UBE3C: variants seen among roughly 807,000 people sequenced by gnomAD.
UBE3C encodes the protein ubiquitin-protein ligase E3C.
UBE3C carries 42 observed loss-of-function variants against 129.4 expected under a neutral mutation model. That is an observed-to-expected ratio of 0.32 (90% CI 0.25 to 0.42). The LOEUF (loss-of-function observed/expected upper bound fraction) is 0.42. Among genes scored for constraint, UBE3C ranks in the 10% least tolerant of loss-of-function variants. The pLI is 1.00. For synonymous variants in UBE3C, 510 were observed against 492.4 expected, an observed-to-expected ratio of 1.04 and a Z score of -0.47; for missense variants, 1,049 against 1,319.1, an observed-to-expected ratio of 0.80 and a Z score of 3.17.
chr7:157,232,202 T>C (rs1383732649), intron 18 of UBE3C, among the ~76,000 whole-genome samples: 1 of 152,238 alleles, frequency 6.6e-6, no homozygotes, highest in African/African-American at 2.4e-5. Context: ...TGATCCAGTG[T>C]AACTTCATCT....
rs1233099528 is a variant in UBE3C at position 157,163,806 on chromosome 7, G to A, written c.67-4G>A. On this transcript the variant is annotated splice_region_variant and splice_polypyrimidine_tract_variant and intron_variant, in intron 1 of 22. Transcript: ENST00000348165. ...TACCTCCTTTTTTCTCTGTTTGGGT[G>A]TAGGAGGAAAAGGCTTCTCTTTTAC... 5 of 1,613,012 alleles carry A rather than the reference G, an allele frequency of 3.1e-6. No homozygotes were observed. The highest frequency in any genetic ancestry group is 4.2e-6 in the Non-Finnish European group (5 of 1,179,598).
At chr7:157,220,072 G>T (rs1392356453) in intron 14 of UBE3C, among the ~76,000 whole-genome samples, 2 of 152,110 alleles carry the variant, frequency 1.3e-5, no homozygotes, top group Non-Finnish European at 2.9e-5. Context: ...TTAACCAGGC[G>T]TGATGGTATA....
At chr7:157,220,945 A>C in intron 15 of UBE3C, 169 bp downstream of exon 15, 1 of 686,616 alleles carries the variant, frequency 1.5e-6, no homozygotes, top group Non-Finnish European at 2.3e-6. Context: ...CTCTAGCTCC[A>C]TTGCGGCCAC....
At chr7:157,192,688 A>G in intron 10 of UBE3C, 1 of 778,170 alleles carries the variant, frequency 1.3e-6, no homozygotes, top group Non-Finnish European at 2.3e-6. Context: ...TAGAAGGTGG[A>G]TGAGAATGAC....
rs769602794 is a variant in UBE3C, at chr7:157,164,382, A to G, written c.120+519A>G. 1.1e-4 allele frequency: 50 copies of G among 456,456 alleles called. 1 individual carries two copies. Among genetic ancestry groups the G allele is most frequent in the Non-Finnish European group, 4.4e-6 (1 of 226,952 alleles). The allele number at this position is 456,456 out of a possible 1,614,324, so 28.3% of individuals were successfully genotyped here. A position where few individuals can be genotyped will look rare whatever the true frequency, so the allele number is the denominator to read the frequency against. The stretch of plus-strand genomic sequence containing the variant: ...TTGCTGCCGAGGCTGATTTCAAACT[A>G]TGGCCTCATGCAATCGCCTCCCTCA... On this transcript the variant is annotated intron_variant, in intron 2 of 22. Transcript: ENST00000348165.
At chr7:157,208,951 C>G (rs2117012172) in intron 13 of UBE3C, among the ~76,000 whole-genome samples, 1 of 152,360 alleles carries the variant, frequency 6.6e-6, no homozygotes, top group Non-Finnish European at 1.5e-5. Context: ...CCAGCGACCT[C>G]TCGCACACTA....
At chr7:157,187,086 A>G (rs1274368282) in intron 10 of UBE3C, 65 bp downstream of exon 10, 2 of 1,495,652 alleles carry the variant, frequency 1.3e-6, no homozygotes, top group African/African-American at 2.8e-5. Context: ...CTCCCTGGGA[A>G]TTGCTCTCCT....
chr7:157,139,357 G>T lies in UBE3C; in HGVS notation c.66+19G>T, dbSNP rs1340070920. 5 of 1,560,262 alleles carry T rather than the reference G, an allele frequency of 3.2e-6. No individual in the cohort carries two copies. The highest frequency in any genetic ancestry group is 4.3e-6 in the Non-Finnish European group (5 of 1,161,924). ...CAGGAAGGTGAGGGCCGGGCTGGCGGGGCGCCCTCGGCTCGGGGCCTGCGC... is the reference window on the plus strand; with the variant it reads ...CAGGAAGGTGAGGGCCGGGCTGGCGTGGCGCCCTCGGCTCGGGGCCTGCGC... On this transcript the variant is annotated intron_variant, in intron 1 of 22. Coordinates refer to ENST00000348165, the MANE Select transcript of UBE3C (RefSeq NM_014671.3).
chr7:157,211,608 A>G (rs1354833093), intron 13 of UBE3C, among the ~76,000 whole-genome samples: 1 of 152,132 alleles, frequency 6.6e-6, no homozygotes, highest in East Asian at 1.9e-4. Context: ...TTAGCGTTCC[A>G]GTAATGGAAC....
chr7:157,256,123 C>G (rs1191192730), intron 21 of UBE3C, among the ~76,000 whole-genome samples: 1 of 152,008 alleles, frequency 6.6e-6, no homozygotes, highest in Non-Finnish European at 1.5e-5. Context: ...ACAGGGTGAT[C>G]CTTATTCTAG....
Position 157,220,793 on chromosome 7 carries a change from A to T in UBE3C, c.2002+17A>T, listed in dbSNP as rs1387595467. 2 of 1,613,408 alleles carry T rather than the reference A, an allele frequency of 1.2e-6. No individual in the cohort carries two copies. The highest frequency in any genetic ancestry group is 1.7e-6 in the Non-Finnish European group (2 of 1,179,612). ...CCCTGGACGGTGAGTTCTCTAGGACACAGGGTTACTGAGGTATGAATTACA... is the reference window on the plus strand; with the variant it reads ...CCCTGGACGGTGAGTTCTCTAGGACTCAGGGTTACTGAGGTATGAATTACA... On this transcript the variant is annotated intron_variant, in intron 15 of 22. Transcript: ENST00000348165.
chr7:157,174,855 A>G (rs1586663249), intron 4 of UBE3C, 64 bp from the exon 5 acceptor site: 1 of 1,287,068 alleles, frequency 7.8e-7, no homozygotes. Flanking sequence ...TTGGGGTATT[A>G]TGTAAATTAG....
At chr7:157,147,771 A>G (rs1807647431) in intron 1 of UBE3C, among the ~76,000 whole-genome samples, 1 of 152,166 alleles carries the variant, frequency 6.6e-6, no homozygotes, top group Admixed American at 6.6e-5. Flanking sequence ...GTTTTGTCAG[A>G]TGCTTTTTCT....
At chr7:157,164,875 T>C (rs1471053379) in intron 2 of UBE3C, among the ~76,000 whole-genome samples, 1 of 152,172 alleles carries the variant, frequency 6.6e-6, no homozygotes, top group Non-Finnish European at 1.5e-5. Flanking sequence ...GGGCCTATAT[T>C]AGAGATGGTG....
chr7:157,169,465 T>A (rs1808306708), intron 3 of UBE3C, among the ~76,000 whole-genome samples: 1 of 150,454 alleles, frequency 6.6e-6, no homozygotes, highest in African/African-American at 2.5e-5. Flanking sequence ...AACCTCTACC[T>A]CCTGGGTTCA....
intron 14 of UBE3C, among the ~76,000 whole-genome samples, chr7:157,218,147 A>T (rs971671018): frequency 6.6e-6 from 1 of 152,002 alleles, no homozygotes; most frequent in Admixed American, 6.5e-5. Flanking sequence ...GGTGGAGGGT[A>T]TAAAAGAAAC....
Position 157,225,462 on chromosome 7 carries a change from T to G in UBE3C, c.2156T>G (p.Phe719Cys). 2 of 1,605,836 alleles carry G rather than the reference T, an allele frequency of 1.2e-6. No individual in the cohort carries two copies. The highest frequency in any genetic ancestry group is 1.7e-6 in the Non-Finnish European group (2 of 1,178,090). The change falls in exon 17 of 23, where the codon TTT (phenylalanine) becomes TGT (cysteine). Residue 719 changes from phenylalanine to cysteine, a missense_variant. By Grantham distance (205) the Phe-to-Cys change is radical. Transcript: ENST00000348165. ...CAAGAAGTTCAAGGAGATGGTCCAT[T>G]TCTGGATGGAATTAATGTCACAATA... ...DKQEVQGDGP[F>C]LDGINVTIRR...
chr7:157,221,797 AT>A (rs1229973145), intron 15 of UBE3C: 1 of 151,898 alleles, frequency 6.6e-6, no homozygotes, highest in African/African-American at 2.4e-5. Flanking sequence ...TGTGGTTTTA[AT>A]TTGTGTCTAC....
chr7:157,231,240 G>T lies in UBE3C; in HGVS notation c.2394G>T (p.Gly798=). 6.2e-7 allele frequency: 1 copy of T among 1,614,124 alleles called. No homozygotes were observed. The highest frequency in any genetic ancestry group is 1.3e-5 in the African/African-American group (1 of 75,012). ...GGTTCTTTAAGACTACTAATGAAGGGCTTCTGTACCCCAACCCGGCTGCTC... is the reference window on the plus strand; with the variant it reads ...GGTTCTTTAAGACTACTAATGAAGGTCTTCTGTACCCCAACCCGGCTGCTC... ...NQGFFKTTNE[G]LLYPNPAAQM... The change falls in exon 18 of 23, where the codon GGG becomes GGT. Residue 798 remains glycine (G), a synonymous_variant. Coordinates refer to ENST00000348165, the MANE Select transcript of UBE3C (RefSeq NM_014671.3).
Sources: allele counts gnomAD v4.1 joint callset (sites outside exome capture counted in the v4.1 genomes callset), GRCh38; gene constraint gnomAD v4.1.1; transcripts MANE v1.5; gene names NCBI Gene and HGNC (gene_info 2026-07-23, HGNC 2026-07-21).